The following MYO1B variants were observed in gnomAD, a reference collection of about 807,000 sequenced individuals.
MYO1B encodes the protein unconventional myosin-Ib.
In MYO1B, 72 loss-of-function variants were observed where a neutral mutation model predicts 159.7. The ratio of observed to expected loss-of-function variants is 0.45; its 90% CI spans 0.37 to 0.55. MYO1B has a LOEUF of 0.55. MYO1B is among the 20% of genes least tolerant of loss of function. The pLI is 0.00. For missense variants in MYO1B, 1,062 were observed against 1,364.8 expected, an observed-to-expected ratio of 0.78 and a Z score of 3.50; for synonymous variants, 468 against 473.8, an observed-to-expected ratio of 0.99 and a Z score of 0.16.
At chr2:191,304,652 T>C (rs188323960) in intron 3 of MYO1B, among the ~76,000 whole-genome samples, 3 of 152,336 alleles carry the variant, frequency 2.0e-5, no homozygotes, top group Admixed American at 2.0e-4. Context: ...AGCTAATTTT[T>C]CTTCCAGATC....
chr2:191,254,047 A>T (rs1333584135), intron 1 of MYO1B, among the ~76,000 whole-genome samples: 1 of 152,190 alleles, frequency 6.6e-6, no homozygotes, highest in Non-Finnish European at 1.5e-5. Flanking sequence ...TTGCTGGTGT[A>T]CAAGAAAGGG....
intron 4 of MYO1B, among the ~76,000 whole-genome samples, chr2:191,331,051 A>G (rs868215403): frequency 2.0e-5 from 3 of 152,100 alleles, no homozygotes; most frequent in Non-Finnish European, 4.4e-5. Flanking sequence ...TTCCTTCTAC[A>G]CCTACTCTTT....
At chr2:191,347,675 A>T (rs1375737293) in intron 6 of MYO1B, among the ~76,000 whole-genome samples, 1 of 152,190 alleles carries the variant, frequency 6.6e-6, no homozygotes, top group Non-Finnish European at 1.5e-5. Flanking sequence ...AGGATATGAG[A>T]TTAATACCTG....
At chr2:191,336,014 C>T (rs1174092289) in intron 4 of MYO1B, among the ~76,000 whole-genome samples, 1 of 152,086 alleles carries the variant, frequency 6.6e-6, no homozygotes, top group Non-Finnish European at 1.5e-5. Context: ...CAACTCACTC[C>T]CATGAATACA....
At chr2:191,372,920 C>G (rs1450656914) in intron 13 of MYO1B, among the ~76,000 whole-genome samples, 1 of 109,114 alleles carries the variant, frequency 9.2e-6, no homozygotes, top group African/African-American at 3.6e-5. Context: ...CGGAGTCTCA[C>G]TGTGTCTCCA....
intron 4 of MYO1B, among the ~76,000 whole-genome samples, chr2:191,341,003 C>A (rs78927395): frequency 1.3e-5 from 2 of 152,132 alleles, no homozygotes; most frequent in African/African-American, 4.8e-5. Context: ...GGATTACAGG[C>A]GGGAGCCACT....
intron 4 of MYO1B, among the ~76,000 whole-genome samples, chr2:191,330,520 G>A (rs371333363): frequency 1.3e-5 from 2 of 152,082 alleles, no homozygotes; most frequent in East Asian, 1.9e-4. Context: ...GGCAAGCTTC[G>A]CATAAAAAAA....
At chr2:191,326,612 T>C (rs1396743595) in intron 3 of MYO1B, among the ~76,000 whole-genome samples, 1 of 152,148 alleles carries the variant, frequency 6.6e-6, no homozygotes, top group Non-Finnish European at 1.5e-5. Context: ...AATTATACTC[T>C]CTGTTAGATG....
intron 26 of MYO1B, among the ~76,000 whole-genome samples, chr2:191,410,094 T>C (rs1408897071): frequency 6.6e-6 from 1 of 152,204 alleles, no homozygotes; most frequent in Non-Finnish European, 1.5e-5. Context: ...ACAGCAAATT[T>C]GGCGAGGTTC....
At chr2:191,254,884 G>A (rs1686343282) in intron 1 of MYO1B, among the ~76,000 whole-genome samples, 1 of 152,064 alleles carries the variant, frequency 6.6e-6, no homozygotes, top group South Asian at 2.1e-4. Context: ...CAAATGTTTA[G>A]GTGCCTAGTA....
chr2:191,338,141 GAA>G (rs57422075), intron 4 of MYO1B, among the ~76,000 whole-genome samples: 2 of 149,976 alleles, frequency 1.3e-5, no homozygotes, highest in Admixed American at 6.6e-5. Context: ...TATATGTCAG[GAA>G]AAAAAAAATT....
At chr2:191,282,019 G>A (rs1409955346) in intron 2 of MYO1B, among the ~76,000 whole-genome samples, 2 of 152,152 alleles carry the variant, frequency 1.3e-5, no homozygotes. Flanking sequence ...AGATACTCAA[G>A]ATATAGTACC....
At chr2:191,402,330 G>A in intron 23 of MYO1B, 1 of 377,164 alleles carries the variant, frequency 2.7e-6, no homozygotes, top group East Asian at 6.2e-5. Context: ...GGAGAAGGCA[G>A]CGAACAGAGA....
chr2:191,286,917 C>G (rs1688407294), intron 2 of MYO1B, among the ~76,000 whole-genome samples: 1 of 152,090 alleles, frequency 6.6e-6, no homozygotes, highest in Admixed American at 6.6e-5. Flanking sequence ...GGTGACAGAG[C>G]TAGACCCTGT....
chr2:191,311,740 G>T (rs543897944), intron 3 of MYO1B, among the ~76,000 whole-genome samples: 3 of 152,296 alleles, frequency 2.0e-5, no homozygotes, highest in African/African-American at 7.2e-5. Context: ...TGTTACTGAA[G>T]TATAAAGATG....
intron 11 of MYO1B, among the ~76,000 whole-genome samples, chr2:191,365,389 A>C (rs1023931686): frequency 2.0e-5 from 3 of 152,142 alleles, no homozygotes; most frequent in Non-Finnish European, 4.4e-5. Flanking sequence ...GAATGCCTTT[A>C]TGTCTTTAGC....
At chr2:191,400,544 G>A in intron 22 of MYO1B, 76 bp downstream of exon 22, 5 of 1,529,792 alleles carry the variant, frequency 3.3e-6, no homozygotes, top group Non-Finnish European at 3.6e-6. Flanking sequence ...GGCTTCAGGG[G>A]CAGAAAATGT....
At chr2:191,345,443 A>G (rs1268338039) in intron 5 of MYO1B, among the ~76,000 whole-genome samples, 1 of 152,148 alleles carries the variant, frequency 6.6e-6, no homozygotes, top group African/African-American at 2.4e-5. Flanking sequence ...CTTTTACCCT[A>G]TGACTCCGTG....
intron 2 of MYO1B, among the ~76,000 whole-genome samples, chr2:191,294,248 C>G (rs936198496): frequency 2.0e-5 from 3 of 152,132 alleles, no homozygotes; most frequent in African/African-American, 4.8e-5. Flanking sequence ...AGATTTTTAT[C>G]AAGAATTTAG....
Sources: allele counts gnomAD v4.1 joint callset (sites outside exome capture counted in the v4.1 genomes callset), GRCh38; gene constraint gnomAD v4.1.1; transcripts MANE v1.5; gene names NCBI Gene and HGNC (gene_info 2026-07-23, HGNC 2026-07-21).